Variants in ABLIM1 observed in about 807,000 individuals in gnomAD.
The protein encoded by ABLIM1 is actin binding LIM protein 1.
ABLIM1 carries 40 observed loss-of-function variants against 107.0 expected under a neutral mutation model. The observed-to-expected ratio is 0.37, with a 90% confidence interval of 0.29 to 0.49. The LOEUF is 0.49. ABLIM1 is among the 20% of genes least tolerant of loss of function. The pLI, the probability that ABLIM1 is intolerant of heterozygous loss-of-function variation, is 0.97. For synonymous variants in ABLIM1, 357 were observed against 357.3 expected (o/e 1.00, Z 0.01); for missense variants, 857 against 1,008.5 (o/e 0.85, Z 2.04).
At chr10:114,627,769 C>T (rs2077910305) in intron 1 of ABLIM1, among the ~76,000 whole-genome samples, 1 of 152,124 alleles carries the variant, frequency 6.6e-6, no homozygotes, top group Admixed American at 6.6e-5. Context: ...CTGTTTCTGC[C>T]AAAAGCTAAA....
At chr10:114,573,935 T>C (rs1039604869) in intron 3 of ABLIM1, among the ~76,000 whole-genome samples, 1 of 152,160 alleles carries the variant, frequency 6.6e-6, no homozygotes, top group African/African-American at 2.4e-5. Flanking sequence ...TTTGATTAAA[T>C]ACAGAAAAAT....
At chr10:114,615,341 G>T (rs2077064320) in intron 1 of ABLIM1, among the ~76,000 whole-genome samples, 1 of 152,068 alleles carries the variant, frequency 6.6e-6, no homozygotes, top group Non-Finnish European at 1.5e-5. Flanking sequence ...TGCCCAGAAG[G>T]CTCTTCCCCA....
chr10:114,620,275 T>C (rs1326921107), intron 1 of ABLIM1, among the ~76,000 whole-genome samples: 1 of 152,222 alleles, frequency 6.6e-6, no homozygotes, highest in Non-Finnish European at 1.5e-5. Flanking sequence ...CATGTGTATA[T>C]GAATCCTGGG....
intron 6 of ABLIM1, among the ~76,000 whole-genome samples, chr10:114,530,807 T>C (rs919155560): frequency 2.0e-5 from 3 of 152,344 alleles, no homozygotes; most frequent in Middle Eastern, 3.4e-3. Flanking sequence ...GTGCTGGGAT[T>C]ATAGGCGTGA....
intron 1 of ABLIM1, among the ~76,000 whole-genome samples, chr10:114,607,051 C>T: frequency 6.6e-6 from 1 of 152,102 alleles, no homozygotes; most frequent in Non-Finnish European, 1.5e-5. Context: ...ACTGAAAATT[C>T]CCTACGCCCT....
chr10:114,548,541 A>G (rs941192791), intron 4 of ABLIM1, among the ~76,000 whole-genome samples: 9 of 152,160 alleles, frequency 5.9e-5, no homozygotes, highest in African/African-American at 2.2e-4. Flanking sequence ...CAGCCCTCTG[A>G]TGAGGATTCA....
At chr10:114,719,808 T>C (rs984326960) in intron 1 of ABLIM1, among the ~76,000 whole-genome samples, 3 of 152,188 alleles carry the variant, frequency 2.0e-5, no homozygotes, top group African/African-American at 7.2e-5. Flanking sequence ...ATCCCCTCTC[T>C]TTAATCAAAT....
intron 14 of ABLIM1, among the ~76,000 whole-genome samples, chr10:114,450,836 A>G (rs2061764216): frequency 6.6e-6 from 1 of 152,182 alleles, no homozygotes. Flanking sequence ...GAATTTTCTG[A>G]AAACGCCTGA....
intron 1 of ABLIM1, among the ~76,000 whole-genome samples, chr10:114,644,523 T>C (rs1387076571): frequency 6.6e-6 from 1 of 151,766 alleles, no homozygotes; most frequent in African/African-American, 2.4e-5. Flanking sequence ...TGACGGACCT[T>C]GTCGCATTCA....
At chr10:114,613,455 G>T (rs1285016976) in intron 1 of ABLIM1, among the ~76,000 whole-genome samples, 3 of 152,294 alleles carry the variant, frequency 2.0e-5, no homozygotes. Flanking sequence ...ACAGATCAGG[G>T]CCTTCCTCTT....
chr10:114,459,850 C>A (rs555706764), intron 12 of ABLIM1, among the ~76,000 whole-genome samples: 3 of 152,314 alleles, frequency 2.0e-5, no homozygotes, highest in Admixed American at 2.0e-4. Context: ...AAATCCAGAA[C>A]ACCTGACGGT....
intron 1 of ABLIM1, among the ~76,000 whole-genome samples, chr10:114,634,675 AT>A (rs928409508): frequency 6.6e-5 from 10 of 151,840 alleles, no homozygotes; most frequent in Non-Finnish European, 1.2e-4. Flanking sequence ...GTTCAGAGAG[AT>A]TTTCCCCCCG....
At chr10:114,576,556 C>T (rs76797187) in intron 2 of ABLIM1, among the ~76,000 whole-genome samples, 3,332 of 152,204 alleles carry the variant, frequency 0.022, 104 homozygotes, top group African/African-American at 0.068. Flanking sequence ...CAGTAAATTG[C>T]TTTCCTAAGG....
At chr10:114,468,776 G>A (rs1274223250) in intron 10 of ABLIM1, among the ~76,000 whole-genome samples, 1 of 151,934 alleles carries the variant, frequency 6.6e-6, no homozygotes, top group Admixed American at 6.6e-5. Flanking sequence ...AATAGGCCGG[G>A]TGCGGTGGCT....
chr10:114,556,474 G>A (rs1466427455), intron 4 of ABLIM1, among the ~76,000 whole-genome samples: 2 of 152,318 alleles, frequency 1.3e-5, no homozygotes, highest in East Asian at 1.9e-4. Context: ...CTGTTCTCAT[G>A]CTTGAACTGA....
intron 2 of ABLIM1, among the ~76,000 whole-genome samples, chr10:114,590,484 T>C (rs371293579): frequency 3.8e-4 from 58 of 152,284 alleles, no homozygotes; most frequent in African/African-American, 1.3e-3. Context: ...CCTTTCCAAT[T>C]AGCTTTTAAA....
intron 12 of ABLIM1, among the ~76,000 whole-genome samples, chr10:114,459,150 T>C (rs982544491): frequency 2.6e-4 from 39 of 152,254 alleles, no homozygotes; most frequent in African/African-American, 8.4e-4. Context: ...AATGGAAGGC[T>C]GGGCTTCTGG....
intron 13 of ABLIM1, among the ~76,000 whole-genome samples, chr10:114,452,927 C>T (rs1029530439): frequency 1.1e-4 from 16 of 152,092 alleles, no homozygotes; most frequent in Non-Finnish European, 8.8e-5. Context: ...TCTGAAAAGT[C>T]CTTGGAGAAA....
chr10:114,776,773 A>G, the ABLIM1 span, among the ~76,000 whole-genome samples: 2 of 152,154 alleles, frequency 1.3e-5, no homozygotes, highest in Non-Finnish European at 2.9e-5. Flanking sequence ...CAGCTATGGG[A>G]TGCTCAACTA....
Sources: gnomAD v4.1 joint callset for allele counts (sites outside exome capture counted in the v4.1 genomes callset) on GRCh38, gnomAD v4.1.1 for gene constraint, MANE v1.5 for transcripts, NCBI Gene and HGNC (gene_info 2026-07-23, HGNC 2026-07-21) for gene names.